XKR6: variants seen among roughly 807,000 people sequenced by gnomAD.
The protein encoded by XKR6 is XK related 6, also known as XK-related protein 6.
A neutral mutation model predicts 56.7 loss-of-function variants in XKR6; 22 were observed. That is an observed-to-expected ratio of 0.39 (90% CI 0.28 to 0.55). The LOEUF is 0.55. Ranked by LOEUF, XKR6 falls within the 20% of genes least tolerant of loss-of-function variation. The pLI is 0.66. For missense variants in XKR6, 852 were observed against 889.0 expected, an observed-to-expected ratio of 0.96 and a Z score of 0.53; for synonymous variants, 524 against 387.8, an observed-to-expected ratio of 1.35 and a Z score of -4.13.
chr8:11,081,024 A>G (rs576625972), intron 1 of XKR6, among the ~76,000 whole-genome samples: 1 of 152,360 alleles, frequency 6.6e-6, no homozygotes, highest in Admixed American at 6.5e-5. Flanking sequence ...ATTTGGGACA[A>G]AGACCTCCAC....
chr8:10,951,300 G>GTGTGTGTGTGTGTGTGTGTGTGT (rs988183717), intron 1 of XKR6, among the ~76,000 whole-genome samples: 43 of 122,334 alleles, frequency 3.5e-4, no homozygotes, highest in African/African-American at 1.7e-3. Context: ...TGTGTGTGTG[G>GTGTGTGTGTGTGTGTGTGTGTGT]GGGGGGGGGG....
At position 11,201,333 on chromosome 8, in the gene XKR6, C is replaced by T. The variant is rs753735502; in HGVS notation, c.7G>A (p.Ala3Thr). Residue 3 changes from alanine to threonine, a missense_variant, in exon 1 of 3, where the codon GCG (alanine) becomes ACG (threonine). Coordinates refer to ENST00000416569, the MANE Select transcript of XKR6 (RefSeq NM_173683.4). Reference protein sequence around the residue: MAAKSDGGGVGVG... With the variant: MATKSDGGGVGVG... ...CCCACGCCACCGCCATCGGATTTCG[C>T]CGCCATCTTGACTCTCTTCCCAGCT... 7 of 1,535,214 alleles carry T rather than the reference C, an allele frequency of 4.6e-6. No individual in the cohort carries two copies. Among genetic ancestry groups the T allele is most frequent in the Non-Finnish European group, 5.2e-6 (6 of 1,146,982 alleles).
intron 1 of XKR6, among the ~76,000 whole-genome samples, chr8:11,116,677 C>T (rs554783794): frequency 8.9e-4 from 136 of 152,280 alleles, no homozygotes; most frequent in African/African-American, 3.0e-3. Flanking sequence ...GGCCTATTTG[C>T]TACCATTCGT....
chr8:11,195,021 T>C (rs954690057), intron 1 of XKR6: 1 of 607,816 alleles, frequency 1.6e-6, no homozygotes, highest in African/African-American at 1.9e-5. Context: ...AAGAAATAAA[T>C]CTTTAGAGAT....
chr8:11,090,245 C>T (rs1798022566), intron 1 of XKR6, among the ~76,000 whole-genome samples: 3 of 152,098 alleles, frequency 2.0e-5, no homozygotes. Context: ...CCAACAGGCC[C>T]TGCTGAGTTT....
chr8:11,145,885 T>C (rs1403631907), intron 1 of XKR6, among the ~76,000 whole-genome samples: 1 of 152,116 alleles, frequency 6.6e-6, no homozygotes, highest in Non-Finnish European at 1.5e-5. Flanking sequence ...CCCACAATAG[T>C]CAAAATGATT....
intron 1 of XKR6, among the ~76,000 whole-genome samples, chr8:11,095,805 G>A (rs1344579410): frequency 6.6e-6 from 1 of 152,216 alleles, no homozygotes; most frequent in Non-Finnish European, 1.5e-5. Flanking sequence ...GGGTGATTCT[G>A]ATGCATATAT....
intron 2 of XKR6, among the ~76,000 whole-genome samples, chr8:10,906,873 G>C (rs1308192369): frequency 1.3e-5 from 2 of 152,114 alleles, no homozygotes; most frequent in African/African-American, 2.4e-5. Context: ...CATGTATTTA[G>C]TCTCCACTAA....
rs944613618 is a variant in XKR6, at chr8:10,896,332, T to C, written c.*1620A>G. ...CAGTGGAATCAAATCCTCACCCAAA[T>C]GGCATGGCCTCTAAGGCCTGCAGTC... On this transcript the variant is annotated 3_prime_UTR_variant, in exon 3 of 3. Coordinates refer to ENST00000416569, the MANE Select transcript of XKR6 (RefSeq NM_173683.4). 1 of 152,584 alleles carries C rather than the reference T, an allele frequency of 6.6e-6. No individual in the cohort carries two copies. The highest frequency in any genetic ancestry group is 2.4e-5 in the African/African-American group (1 of 41,430). The allele number at this position is 152,584 out of a possible 1,614,324, so 9.5% of individuals were successfully genotyped here. A position where few individuals can be genotyped will look rare whatever the true frequency, so the allele number is the denominator to read the frequency against.
At chr8:11,041,942 C>A (rs548309962) in intron 1 of XKR6, among the ~76,000 whole-genome samples, 39 of 152,234 alleles carry the variant, frequency 2.6e-4, no homozygotes, top group Admixed American at 1.4e-3. Flanking sequence ...CATGTATACA[C>A]ACCCACACTC....
chr8:11,036,536 G>C (rs1186690000), intron 1 of XKR6, among the ~76,000 whole-genome samples: 1 of 152,190 alleles, frequency 6.6e-6, no homozygotes, highest in Non-Finnish European at 1.5e-5. Flanking sequence ...CAGCATCTCT[G>C]GGTGGGGTCC....
At chr8:11,086,216 C>A (rs1402506760) in intron 1 of XKR6, among the ~76,000 whole-genome samples, 2 of 151,544 alleles carry the variant, frequency 1.3e-5, no homozygotes, top group Non-Finnish European at 2.9e-5. Flanking sequence ...CATCAACTCA[C>A]TGGCTTAGGA....
chr8:11,060,307 G>A (rs1034545612), intron 1 of XKR6, among the ~76,000 whole-genome samples: 2 of 152,120 alleles, frequency 1.3e-5, no homozygotes, highest in Admixed American at 6.5e-5. Flanking sequence ...CCTTCCTCCC[G>A]CCTCCCTGCC....
chr8:11,122,503 T>C (rs540005229), intron 1 of XKR6, among the ~76,000 whole-genome samples: 1 of 152,342 alleles, frequency 6.6e-6, no homozygotes, highest in African/African-American at 2.4e-5. Flanking sequence ...AGTCTCACAA[T>C]TACTGTCACT....
chr8:11,094,103 G>C (rs1418777693), intron 1 of XKR6, among the ~76,000 whole-genome samples: 2 of 147,250 alleles, frequency 1.4e-5, no homozygotes, highest in Admixed American at 1.3e-4. Flanking sequence ...TTTTGACAGA[G>C]TCTTGCTGTG....
At chr8:11,016,645 C>A (rs991693179) in intron 1 of XKR6, among the ~76,000 whole-genome samples, 1 of 152,188 alleles carries the variant, frequency 6.6e-6, no homozygotes, top group South Asian at 2.1e-4. Flanking sequence ...CCCGCCTCCT[C>A]GTCACTGCCA....
intron 1 of XKR6, among the ~76,000 whole-genome samples, chr8:11,064,705 T>C (rs1180685606): frequency 2.6e-5 from 4 of 152,200 alleles, no homozygotes; most frequent in South Asian, 2.1e-4. Flanking sequence ...CCGAAAAGAA[T>C]TGTAATCGTT....
intron 1 of XKR6, among the ~76,000 whole-genome samples, chr8:11,144,533 A>G (rs1305574149): frequency 2.0e-5 from 3 of 152,028 alleles, no homozygotes; most frequent in Non-Finnish European, 4.4e-5. Context: ...GGATGGCGCT[A>G]AGAGCTCGGC....
intron 1 of XKR6, among the ~76,000 whole-genome samples, chr8:11,010,389 G>A (rs555087063): frequency 1.3e-5 from 2 of 152,260 alleles, no homozygotes; most frequent in African/African-American, 4.8e-5. Context: ...ACTGGTCCCA[G>A]GCACTTATTA....
Sources: gnomAD v4.1 joint callset for allele counts (sites outside exome capture counted in the v4.1 genomes callset) on GRCh38, gnomAD v4.1.1 for gene constraint, MANE v1.5 for transcripts, NCBI Gene and HGNC (gene_info 2026-07-23, HGNC 2026-07-21) for gene names.